DYRK4: variants seen among roughly 807,000 people sequenced by gnomAD.
DYRK4 encodes the protein dual specificity tyrosine-phosphorylation-regulated kinase 4.
In DYRK4, 64 loss-of-function variants were observed where a neutral mutation model predicts 68.3. The ratio of observed to expected loss-of-function variants is 0.94; its 90% CI spans 0.77 to 1.15. The LOEUF (loss-of-function observed/expected upper bound fraction) is 1.15, where lower values mean the gene tolerates loss of function less well. DYRK4 is among the 50% of genes most tolerant of loss of function. The pLI, the probability that DYRK4 is intolerant of heterozygous loss-of-function variation, is 0.00. For missense variants in DYRK4, 740 were observed against 764.7 expected (o/e 0.97, Z 0.38); for synonymous variants, 274 against 289.9 (o/e 0.95, Z 0.56).
At chr12:4,583,738 C>T (rs1944866809) in intron 2 of DYRK4, among the ~76,000 whole-genome samples, 1 of 152,102 alleles carries the variant, frequency 6.6e-6, no homozygotes, top group South Asian at 2.1e-4. Context: ...AGCTTGTGTT[C>T]AGTAATATGA....
At chr12:4,598,132 T>C (rs1414477337) in intron 8 of DYRK4, among the ~76,000 whole-genome samples, 1 of 152,122 alleles carries the variant, frequency 6.6e-6, no homozygotes, top group East Asian at 1.9e-4. Flanking sequence ...ATCTCAGCAT[T>C]TTCGGAGGCC....
intron 6 of DYRK4, 147 bp downstream of exon 6, chr12:4,593,312 A>G: frequency 1.1e-6 from 1 of 887,200 alleles, no homozygotes; most frequent in Non-Finnish European, 1.7e-6. Context: ...TGCCAAACCA[A>G]GGAAATACCA....
chr12:4,570,199 C>T (rs1944717331), intron 2 of DYRK4, among the ~76,000 whole-genome samples: 1 of 151,838 alleles, frequency 6.6e-6, no homozygotes, highest in Admixed American at 6.6e-5. Context: ...CGTGCTTGCG[C>T]CACTGCATCC....
intron 13 of DYRK4, among the ~76,000 whole-genome samples, chr12:4,611,741 G>A (rs978666112): frequency 6.6e-6 from 1 of 152,172 alleles, no homozygotes; most frequent in Admixed American, 6.5e-5. Context: ...ACACCAGTTA[G>A]ACAACTGCTA....
At chr12:4,580,908 C>A (rs1036467458) in intron 2 of DYRK4, 2 of 455,232 alleles carry the variant, frequency 4.4e-6, no homozygotes, top group South Asian at 1.6e-5. Flanking sequence ...TGGAGGTGTG[C>A]CTTTCCGAAA....
Position 4,588,935 on chromosome 12 carries a change from A to C in DYRK4, c.133-2A>C. On this transcript the variant is annotated splice_acceptor_variant, in intron 2 of 14. Coordinates refer to ENST00000543431, the MANE Select transcript of DYRK4 (RefSeq NM_001394779.1). LOFTEE classifies it high-confidence loss of function. ...GTTCCTATTTTCTTCCACTTGATCC[A>C]GGTTGGAAGTAAACTTTCGGTTCAG... is the stretch of plus-strand genomic sequence containing the variant. 1 of 1,536,006 alleles carries C rather than the reference A, an allele frequency of 6.5e-7. No homozygotes were observed. The highest frequency in any genetic ancestry group is 1.4e-5 in the African/African-American group (1 of 73,154).
intron 2 of DYRK4, among the ~76,000 whole-genome samples, chr12:4,575,300 TGTG>T (rs1944777275): frequency 3.2e-5 from 4 of 125,540 alleles, no homozygotes; most frequent in Non-Finnish European, 4.9e-5. Context: ...AATAACTTAC[TGTG>T]TGTGTGTGTG....
Position 4,613,431 on chromosome 12 carries a change from T to A in DYRK4, c.1667-84T>A. 1 of 1,491,396 alleles carries A rather than the reference T, an allele frequency of 6.7e-7. No homozygotes were observed. Among genetic ancestry groups the A allele is most frequent in the Non-Finnish European group, 9.0e-7 (1 of 1,106,062 alleles). 92.4% of individuals were successfully genotyped at this position (1,491,396 alleles called of 1,614,324 possible). A position where few individuals can be genotyped will look rare whatever the true frequency, so the allele number is the denominator to read the frequency against. ...ATATCATCACGGTCATCGTTTCCACTAAGTGATGTACAACCTAAAGGACAA... is the reference window on the plus strand; with the variant it reads ...ATATCATCACGGTCATCGTTTCCACAAAGTGATGTACAACCTAAAGGACAA... On this transcript the variant is annotated intron_variant, in intron 14 of 14. Coordinates refer to ENST00000543431, the MANE Select transcript of DYRK4 (RefSeq NM_001394779.1). This position sits in a 1 kb window ranked among gnomAD's most constrained non-coding sequence, Gnocchi z 4.0.
chr12:4,607,458 A>G, intron 12 of DYRK4, 71 bp downstream of exon 12: 1 of 1,546,562 alleles, frequency 6.5e-7, no homozygotes, highest in Admixed American at 1.7e-5. Context: ...GGCTCATTTC[A>G]TTCTTTTCCC....
chr12:4,586,799 AAATGAGC>A (rs755136718), intron 2 of DYRK4, among the ~76,000 whole-genome samples: 46 of 152,102 alleles, frequency 3.0e-4, no homozygotes, highest in Admixed American at 9.2e-4. Flanking sequence ...TGTTCATGGG[AAATGAGC>A]AAAGATCGCT....
At chr12:4,578,307 T>TG (rs1476087216) in intron 2 of DYRK4, among the ~76,000 whole-genome samples, 1 of 150,168 alleles carries the variant, frequency 6.7e-6, no homozygotes, top group African/African-American at 2.5e-5. Flanking sequence ...TTTTTATCTC[T>TG]TTGAAGAAAT....
intron 12 of DYRK4, among the ~76,000 whole-genome samples, chr12:4,608,468 C>G (rs527596928): frequency 1.3e-5 from 2 of 152,266 alleles, no homozygotes; most frequent in South Asian, 4.2e-4. Context: ...TGGGGAGATC[C>G]TTTAGGATAA....
chr12:4,571,710 T>C (rs7978924), intron 2 of DYRK4, among the ~76,000 whole-genome samples: 5,814 of 152,334 alleles, frequency 0.038, 363 homozygotes, highest in African/African-American at 0.13. Flanking sequence ...AATAGTATTT[T>C]GAATATAATG....
At position 4,607,357 on chromosome 12, in the gene DYRK4, C is replaced by T; in HGVS notation, c.1330C>T (p.Gln444Ter). 6.2e-7 allele frequency: 1 copy of T among 1,614,212 alleles called. No individual in the cohort carries two copies. Among genetic ancestry groups the T allele is most frequent in the Non-Finnish European group, 8.5e-7 (1 of 1,180,034 alleles). The change falls in exon 12 of 15, where the codon CAG becomes TAG. Residue 444 changes from glutamine (Q) to a stop codon, truncating the protein, a stop_gained. Coordinates refer to ENST00000543431, the MANE Select transcript of DYRK4 (RefSeq NM_001394779.1). LOFTEE classifies it high-confidence loss of function. Reference sequence around the variant, plus strand: ...GGGTCTGCCGCCAGCCGGCTTCATTCAGACAGCCTCCAGGAGACAGACATT... The same window carrying T: ...GGGTCTGCCGCCAGCCGGCTTCATTTAGACAGCCTCCAGGAGACAGACATT... Reference protein sequence around the residue: ...VLGLPPAGFIQTASRRQTFFD... With the variant: ...VLGLPPAGFI
At chr12:4,581,872 A>G (rs2137343799) in intron 2 of DYRK4, among the ~76,000 whole-genome samples, 1 of 152,264 alleles carries the variant, frequency 6.6e-6, no homozygotes, top group South Asian at 2.1e-4. Flanking sequence ...TGAGTTTCAG[A>G]TTTTTTTAGA....
intron 10 of DYRK4, chr12:4,602,519 G>A: frequency 8.3e-7 from 1 of 1,206,592 alleles, no homozygotes; most frequent in East Asian, 2.3e-5. Context: ...GTTGAGTGGT[G>A]GGATATAAGC....
intron 10 of DYRK4, chr12:4,602,855 C>A: frequency 8.8e-7 from 1 of 1,135,162 alleles, no homozygotes; most frequent in South Asian, 1.2e-5. Context: ...GGAAATACAT[C>A]ACTGTGACAG....
chr12:4,606,291 TGG>T (rs1343374874), intron 11 of DYRK4, among the ~76,000 whole-genome samples: 52 of 143,620 alleles, frequency 3.6e-4, no homozygotes, highest in African/African-American at 1.3e-3. Context: ...GCTGGCTGGC[TGG>T]CTATCTATCT....
At chr12:4,573,187 C>T (rs1944750185) in intron 2 of DYRK4, 8 of 591,446 alleles carry the variant, frequency 1.4e-5, no homozygotes, top group South Asian at 1.3e-4. Context: ...AACATTAAAA[C>T]GTTTAAAATA....
Sources: gnomAD v4.1 joint callset for allele counts (sites outside exome capture counted in the v4.1 genomes callset) on GRCh38, gnomAD v4.1.1 for gene constraint, Gnocchi (gnomAD v3.1) non-coding constraint, MANE v1.5 for transcripts, NCBI Gene and HGNC (gene_info 2026-07-23, HGNC 2026-07-21) for gene names.